The following SAMD7 variants were observed in gnomAD, a reference collection of about 807,000 sequenced individuals.
SAMD7 encodes sterile alpha motif domain containing 7.
Under a neutral mutation model 36.7 loss-of-function variants are expected in SAMD7, and 34 were observed. That is an observed-to-expected ratio of 0.93 (90% CI 0.71 to 1.23). The LOEUF is 1.23. SAMD7 is among the 50% of genes most tolerant of loss of function. SAMD7 has a pLI of 0.00. For missense variants in SAMD7, 570 were observed against 546.6 expected, an observed-to-expected ratio of 1.04 and a Z score of -0.43; for synonymous variants, 188 against 189.7, an observed-to-expected ratio of 0.99 and a Z score of 0.07.
chr3:169,921,360 C>T (rs749382650), intron 4 of SAMD7, 22 bp downstream of exon 4: 1 of 1,610,466 alleles, frequency 6.2e-7, no homozygotes, highest in Admixed American at 1.7e-5. Flanking sequence ...AGAAGTTTGG[C>T]TCTCATCTGT....
intron 2 of SAMD7, among the ~76,000 whole-genome samples, chr3:169,917,134 T>C (rs772609406): frequency 1.2e-4 from 19 of 152,232 alleles, no homozygotes; most frequent in Non-Finnish European, 2.5e-4. Flanking sequence ...AAAGGTGATG[T>C]TAGGTGATCC....
In SAMD7 at chr3:169,926,946, C is replaced by T; in HGVS notation, c.684C>T (p.Asp228=). 1 of 1,614,020 alleles carries T rather than the reference C, an allele frequency of 6.2e-7. No individual in the cohort carries two copies. The highest frequency in any genetic ancestry group is 8.5e-7 in the Non-Finnish European group (1 of 1,179,976). The part of the protein sequence containing the change: ...YEEDHYAKDP[D]IEAPSNQKSS... ...AGGATCATTATGCAAAAGACCCAGA[C>T]ATTGAAGCACCCAGCAACCAGAAGT... is the stretch of plus-strand genomic sequence containing the variant. Residue 228 remains aspartate, a synonymous_variant, in exon 6 of 9, where the codon GAC becomes GAT. Transcript: ENST00000335556.
At chr3:169,922,122 C>T in intron 4 of SAMD7, among the ~76,000 whole-genome samples, 1 of 152,174 alleles carries the variant, frequency 6.6e-6, no homozygotes, top group South Asian at 2.1e-4. Context: ...AGAGGCTCAG[C>T]TTGCTCATAT....
At position 169,926,358 on chromosome 3, in the gene SAMD7, A is replaced by G. The variant is rs922135573; in HGVS notation, c.291-195A>G. 7.3e-6 allele frequency: 9 copies of G among 1,236,578 alleles called. No individual in the cohort carries two copies. The South Asian group carries it at 7.8e-5, about 11-fold the overall frequency. 76.6% of individuals were successfully genotyped at this position (1,236,578 alleles called of 1,614,324 possible). Reference sequence around the variant, plus strand: ...TCTAAAGACTGGCCTTTGGACTTCCATTGTGAGACTCAGACAAAGCTTCAG... The same window carrying G: ...TCTAAAGACTGGCCTTTGGACTTCCGTTGTGAGACTCAGACAAAGCTTCAG... On this transcript the variant is annotated intron_variant, in intron 5 of 8. Transcript: ENST00000335556.
chr3:169,914,141 T>A (rs902175942), intron 1 of SAMD7, among the ~76,000 whole-genome samples: 3 of 152,162 alleles, frequency 2.0e-5, no homozygotes, highest in African/African-American at 4.8e-5. Context: ...CTTAACTGAT[T>A]GTAGCAAATG....
At chr3:169,922,269 A>G (rs981310732) in intron 4 of SAMD7, among the ~76,000 whole-genome samples, 1 of 152,314 alleles carries the variant, frequency 6.6e-6, no homozygotes, top group African/African-American at 2.4e-5. Context: ...AAGATCACCT[A>G]TGGAGAGAGT....
rs1404596409 is a variant in SAMD7, at chr3:169,938,950, C to G, written c.*444C>G. On this transcript the variant is annotated 3_prime_UTR_variant, in exon 9 of 9. Transcript: ENST00000335556. ...AGAACAGAAATGGAGAAGCTGACCA[C>G]GACTCCATCTCTTCTCATTCCAGAT... The G allele has an allele frequency of 6.5e-6, 1 of 152,830 alleles. No individual in the cohort carries two copies. Among genetic ancestry groups the G allele is most frequent in the Non-Finnish European group, 1.5e-5 (1 of 68,648 alleles). 9.5% of individuals were successfully genotyped at this position (152,830 alleles called of 1,614,324 possible). A position where few individuals can be genotyped will look rare whatever the true frequency, so the allele number is the denominator to read the frequency against.
At chr3:169,938,017 A>C (rs9851636) in intron 8 of SAMD7, among the ~76,000 whole-genome samples, 45,232 of 152,082 alleles carry the variant, frequency 0.3, 8,464 homozygotes, top group African/African-American at 0.53. Flanking sequence ...TGCTCCTCCT[A>C]ACATGCCACC....
chr3:169,924,936 C>T (rs1713192592), intron 4 of SAMD7, 122 bp from the exon 5 acceptor site: 1 of 636,928 alleles, frequency 1.6e-6, no homozygotes, highest in Non-Finnish European at 2.7e-6. Flanking sequence ...AAATTGTGCG[C>T]AATTGCTGGT....
In SAMD7 at chr3:169,921,261, G is replaced by A. The variant is rs1470743245; in HGVS notation, c.134G>A (p.Cys45Tyr). Residue 45 changes from cysteine (C) to tyrosine (Y), a missense_variant, in exon 4 of 9, where the codon TGC becomes TAC. Cys to Tyr is a radical substitution (Grantham distance 194, BLOSUM62 -2). Coordinates refer to ENST00000335556, the MANE Select transcript of SAMD7 (RefSeq NM_001304366.2). ...GCTCCAACTGACCCAAGACAGTTTT[G>A]CGTTCCTTCCCAATTTGGATCCTCT... ...TVAPTDPRQFCVPSQFGSSVL... is the reference protein window; with the variant it reads ...TVAPTDPRQFYVPSQFGSSVL... 1 of 1,613,738 alleles carries A rather than the reference G, an allele frequency of 6.2e-7. No individual in the cohort carries two copies. The highest frequency in any genetic ancestry group is 1.3e-5 in the African/African-American group (1 of 74,894).
chr3:169,912,786 C>T lies in SAMD7; in HGVS notation c.-117+965C>T, dbSNP rs184578460. ...GTTAGAAAAGTCCTAAAGCTTATGC[C>T]TTTAGGAAAAGTGAAATACATTTTA... On this transcript the variant is annotated intron_variant, in intron 1 of 8. Coordinates refer to ENST00000335556, the MANE Select transcript of SAMD7 (RefSeq NM_001304366.2). 2.4e-4 allele frequency among the ~76,000 whole-genome samples: 37 copies of T among 152,260 alleles called. 1 individual carries two copies. In the East Asian group the frequency reaches 4.4e-3, roughly 18 times the overall value.
chr3:169,938,455 C>T lies in SAMD7; in HGVS notation c.1290C>T (p.Pro430=). The change falls in exon 9 of 9, where the codon CCC becomes CCT. Residue 430 remains proline, a synonymous_variant. Transcript: ENST00000335556. ...GTGATACAATGAACATTTTTTGTCC[C>T]CAGGATACAATAATTCCTAAAGGAA... ...SWSDTMNIFC[P]QDTIIPKGIE... 1.2e-6 allele frequency: 2 copies of T among 1,613,210 alleles called. No individual in the cohort carries two copies. Among genetic ancestry groups the T allele is most frequent in the Middle Eastern group, 1.7e-4 (1 of 6,058 alleles).
chr3:169,933,805 G>T (rs1184504017), intron 7 of SAMD7, among the ~76,000 whole-genome samples: 13 of 152,170 alleles, frequency 8.5e-5, no homozygotes, highest in Non-Finnish European at 1.6e-4. Context: ...TCCAGAAGAG[G>T]GGCACCAGTG....
At chr3:169,922,569 G>A (rs908967175) in intron 4 of SAMD7, among the ~76,000 whole-genome samples, 2 of 152,118 alleles carry the variant, frequency 1.3e-5, no homozygotes, top group Admixed American at 6.5e-5. Flanking sequence ...GCACAATCTC[G>A]GCTCACTGCA....
chr3:169,924,315 G>A (rs1389213978), intron 4 of SAMD7, among the ~76,000 whole-genome samples: 2 of 152,032 alleles, frequency 1.3e-5, no homozygotes, highest in East Asian at 1.9e-4. Flanking sequence ...CTGGCCAGGT[G>A]CAGTGGCTCA....
intron 7 of SAMD7, among the ~76,000 whole-genome samples, chr3:169,928,930 A>G (rs1325184479): frequency 1.3e-5 from 2 of 152,210 alleles, no homozygotes; most frequent in Non-Finnish European, 2.9e-5. Flanking sequence ...CATAGCAAAC[A>G]TTTTTGGAGC....
chr3:169,914,779 C>A (rs1176886872), intron 1 of SAMD7, among the ~76,000 whole-genome samples: 1 of 152,096 alleles, frequency 6.6e-6, no homozygotes, highest in East Asian at 1.9e-4. Flanking sequence ...AAAAAAAAAT[C>A]CTGCTGTTTT....
At chr3:169,929,605 T>C (rs1033016230) in intron 7 of SAMD7, among the ~76,000 whole-genome samples, 23 of 152,358 alleles carry the variant, frequency 1.5e-4, no homozygotes, top group African/African-American at 5.3e-4. Context: ...TTTCTGGTTG[T>C]GTGACCTAGG....
chr3:169,921,675 G>A (rs535298702), intron 4 of SAMD7, among the ~76,000 whole-genome samples: 6 of 152,336 alleles, frequency 3.9e-5, no homozygotes, highest in African/African-American at 7.2e-5. Context: ...ACATGGGCCC[G>A]ATGGTCATAG....
Sources: gnomAD v4.1 joint callset for allele counts (sites outside exome capture counted in the v4.1 genomes callset) on GRCh38, gnomAD v4.1.1 for gene constraint, MANE v1.5 for transcripts, NCBI Gene and HGNC (gene_info 2026-07-23, HGNC 2026-07-21) for gene names.